STK17B: variants seen among roughly 807,000 people sequenced by gnomAD.
STK17B encodes the protein serine/threonine-protein kinase 17B.
In STK17B, 21 loss-of-function variants were observed where a neutral mutation model predicts 42.0. That is an observed-to-expected ratio of 0.50 (90% CI 0.35 to 0.72). The LOEUF is 0.72. Ranked by LOEUF, STK17B falls within the 30% of genes least tolerant of loss-of-function variation. STK17B has a pLI of 0.00. For synonymous variants in STK17B, 143 were observed against 148.4 expected (o/e 0.96, Z 0.26); for missense variants, 349 against 446.0 (o/e 0.78, Z 1.96).
chr2:196,144,822 CA>C (rs1172920537), intron 4 of STK17B, among the ~76,000 whole-genome samples: 1 of 152,098 alleles, frequency 6.6e-6, no homozygotes, highest in Non-Finnish European at 1.5e-5. Flanking sequence ...AAAATCTGTG[CA>C]AAGAATTATA....
chr2:196,147,810 C>T (rs1297768544), intron 3 of STK17B, among the ~76,000 whole-genome samples: 5 of 151,056 alleles, frequency 3.3e-5, no homozygotes, highest in African/African-American at 1.2e-4. Flanking sequence ...CGGCTCACTG[C>T]AACCTCCACC....
chr2:196,141,377 G>A, intron 5 of STK17B, 80 bp from the exon 6 acceptor site: 2 of 1,189,314 alleles, frequency 1.7e-6, no homozygotes, highest in South Asian at 2.6e-5. Flanking sequence ...GTTATAACTG[G>A]GACTGGGCAT....
In STK17B at chr2:196,137,220, C is replaced by A; in HGVS notation, c.*227G>T. 1 of 462,432 alleles carries A rather than the reference C, an allele frequency of 2.2e-6. No individual in the cohort carries two copies. The allele number at this position is 462,432 out of a possible 1,614,324, so 28.6% of individuals were successfully genotyped here. ...ATGTAAACTCACATGTACAATTTTA[C>A]TTTTTGTCATATATTTAAATATTTT... On this transcript the variant is annotated 3_prime_UTR_variant, in exon 8 of 8. Coordinates refer to ENST00000263955, the MANE Select transcript of STK17B (RefSeq NM_004226.4).
At chr2:196,143,508 C>A in intron 5 of STK17B, 52 bp downstream of exon 5, 2 of 1,489,994 alleles carry the variant, frequency 1.3e-6, no homozygotes, top group South Asian at 2.6e-5. Flanking sequence ...ACAGAGGTAT[C>A]ATTTACTTAA....
intron 1 of STK17B, among the ~76,000 whole-genome samples, chr2:196,164,845 T>C (rs1699857499): frequency 6.6e-6 from 1 of 152,206 alleles, no homozygotes; most frequent in Admixed American, 6.5e-5. Flanking sequence ...TTCACATAAC[T>C]AGATAGTAAA....
intron 1 of STK17B, among the ~76,000 whole-genome samples, chr2:196,169,941 C>T (rs1422339225): frequency 6.6e-6 from 1 of 151,832 alleles, no homozygotes; most frequent in Non-Finnish European, 1.5e-5. Context: ...AATAAAACAT[C>T]TATTAATACC....
Position 196,137,643 on chromosome 2 carries a change from G to C in STK17B, c.923C>G (p.Ser308Cys). 3 of 1,614,072 alleles carry C rather than the reference G, an allele frequency of 1.9e-6. No individual in the cohort carries two copies. Among genetic ancestry groups the C allele is most frequent in the African/African-American group, 1.3e-5 (1 of 75,038 alleles). The change falls in exon 8 of 8, where the codon TCC becomes TGC. Residue 308 changes from serine to cysteine, a missense_variant. Ser to Cys is a moderately radical substitution (Grantham distance 112). This residue lies in a region of STK17B where 87 missense variants were observed against 78.8 expected (regional missense o/e 1.10). Coordinates refer to ENST00000263955, the MANE Select transcript of STK17B (RefSeq NM_004226.4). ...FENLFHPEET[S>C]SSSQTQDHSV... is the part of the protein sequence containing the mutation. ...ATGATCCTGAGTTTGAGAGGAACTGGAAGTTTCTTCAGGGTGAAACAAGTT... is the reference window on the plus strand; with the variant it reads ...ATGATCCTGAGTTTGAGAGGAACTGCAAGTTTCTTCAGGGTGAAACAAGTT...
At chr2:196,149,235 C>T (rs1483727969) in intron 3 of STK17B, among the ~76,000 whole-genome samples, 2 of 151,350 alleles carry the variant, frequency 1.3e-5, no homozygotes, top group Admixed American at 6.6e-5. Context: ...GCAATCTCTA[C>T]TCACCGCAAC....
At position 196,141,241 on chromosome 2, in the gene STK17B, C is replaced by T; in HGVS notation, c.656+8G>A. The T allele has an allele frequency of 1.2e-6, 2 of 1,602,954 alleles. No homozygotes were observed. The highest frequency in any genetic ancestry group is 1.7e-6 in the Non-Finnish European group (2 of 1,173,264). ...TAAAGATGTTTAAGGTAACTAACAA[C>T]ATCTTACCACATATCTGTTGCTGTG... On this transcript the variant is annotated splice_region_variant and intron_variant, in intron 6 of 7. Transcript: ENST00000263955.
At chr2:196,167,575 C>T (rs1349954692) in intron 1 of STK17B, among the ~76,000 whole-genome samples, 1 of 152,160 alleles carries the variant, frequency 6.6e-6, no homozygotes, top group East Asian at 1.9e-4. Flanking sequence ...AACAGGTAGC[C>T]ACAAAGTCTG....
In STK17B at chr2:196,135,053, T is replaced by G. The variant is rs1179389988; in HGVS notation, c.*2394A>C. The G allele has an allele frequency of 6.6e-6, 1 of 152,184 alleles. No individual in the cohort carries two copies. Among genetic ancestry groups the G allele is most frequent in the Non-Finnish European group, 1.5e-5 (1 of 68,016 alleles). The allele number at this position is 152,184 out of a possible 1,614,324, so 9.4% of individuals were successfully genotyped here. A position where few individuals can be genotyped will look rare whatever the true frequency, so the allele number is the denominator to read the frequency against. On this transcript the variant is annotated 3_prime_UTR_variant, in exon 8 of 8. Transcript: ENST00000263955. ...AAACTTAATATCAGGAAAAAAGGCA[T>G]GGAAATTTACAGCTCTGTATTCTAC...
In STK17B at chr2:196,156,626, A is replaced by AT. The variant is rs775431138; in HGVS notation, c.147dup (p.Cys50MetfsTer36). The AT allele has an allele frequency of 6.2e-7, 1 of 1,613,858 alleles. No homozygotes were observed. Among genetic ancestry groups the AT allele is most frequent in the Non-Finnish European group, 8.5e-7 (1 of 1,179,872 alleles). Reference sequence around the variant, plus strand: ...TCTTGGCCAGTAGATTTTGATATACATTGTCTAACCACAGCAAATTTTCCT... The same window carrying AT: ...TCTTGGCCAGTAGATTTTGATATACATTTGTCTAACCACAGCAAATTTTCCT... On this transcript the variant is annotated frameshift_variant, in exon 3 of 8. Coordinates refer to ENST00000263955, the MANE Select transcript of STK17B (RefSeq NM_004226.4). LOFTEE classifies it high-confidence loss of function.
intron 1 of STK17B, among the ~76,000 whole-genome samples, chr2:196,170,493 TGTCAGA>T (rs1352096373): frequency 6.6e-6 from 1 of 152,256 alleles, no homozygotes; most frequent in Non-Finnish European, 1.5e-5. Flanking sequence ...TCCAAATTGA[TGTCAGA>T]GTGCCTCTAG....
chr2:196,137,939 C>T (rs11676514), intron 7 of STK17B, among the ~76,000 whole-genome samples: 72,905 of 151,974 alleles, frequency 0.48, 20,300 homozygotes, highest in South Asian at 0.63. Context: ...CTATTCTATA[C>T]GCTTCAAATA....
At chr2:196,176,440 C>T (rs374509003), upstream of STK17B, 44 of 152,324 alleles carry the variant, frequency 2.9e-4, no homozygotes, top group African/African-American at 1.0e-3. Context: ...AGCTGCTATG[C>T]TCCAGCCACA....
intron 3 of STK17B, chr2:196,155,029 T>C (rs1213983349): frequency 1.3e-5 from 2 of 152,238 alleles, no homozygotes. Context: ...ATCTTTCCGA[T>C]GTATTTTGTC....
chr2:196,163,030 T>G (rs1699832565), intron 2 of STK17B, among the ~76,000 whole-genome samples: 1 of 152,146 alleles, frequency 6.6e-6, no homozygotes, highest in South Asian at 2.1e-4. Context: ...GACAGAGACC[T>G]CCTATCAGAG....
At chr2:196,145,662 T>C (rs533650660) in intron 4 of STK17B, among the ~76,000 whole-genome samples, 10 of 152,306 alleles carry the variant, frequency 6.6e-5, no homozygotes, top group Admixed American at 1.3e-4. Context: ...CCATCTAATG[T>C]AGGATTAGAA....
intron 3 of STK17B, among the ~76,000 whole-genome samples, chr2:196,147,003 G>T (rs1166628523): frequency 6.6e-6 from 1 of 152,048 alleles, no homozygotes; most frequent in East Asian, 1.9e-4. Flanking sequence ...ATGAATTATC[G>T]AAACATAAAT....
Sources: gnomAD v4.1 joint callset for allele counts (sites outside exome capture counted in the v4.1 genomes callset) on GRCh38, gnomAD v4.1.1 for gene constraint, gnomAD v4.1.1 regional missense constraint, MANE v1.5 for transcripts, NCBI Gene and HGNC (gene_info 2026-07-23, HGNC 2026-07-21) for gene names.